The following RGS22 variants were observed in gnomAD, a reference collection of about 807,000 sequenced individuals.
RGS22 encodes regulator of G protein signaling 22.
In RGS22, 148 loss-of-function variants were observed where a neutral mutation model predicts 172.9. The ratio of observed to expected loss-of-function variants is 0.86; its 90% CI spans 0.75 to 0.98. The LOEUF is 0.98. Among genes scored for constraint, RGS22 ranks in the 50% least tolerant of loss-of-function variants. RGS22 has a pLI of 0.00. For synonymous variants in RGS22, 458 were observed against 480.2 expected, an observed-to-expected ratio of 0.95 and a Z score of 0.60; for missense variants, 1,347 against 1,440.8, an observed-to-expected ratio of 0.93 and a Z score of 1.05.
chr8:100,055,491 T>C lies in RGS22; in HGVS notation c.1515-2515A>G, dbSNP rs1822148735. On this transcript the variant is annotated intron_variant, in intron 9 of 27. Coordinates refer to ENST00000360863, the MANE Select transcript of RGS22 (RefSeq NM_015668.5). Reference sequence around the variant, plus strand: ...CACAATACCCAAGTCCTTTCAAATATCTGGAAAGCCTTCCCAAGAAGGATG... The same window carrying C: ...CACAATACCCAAGTCCTTTCAAATACCTGGAAAGCCTTCCCAAGAAGGATG... 2.0e-5 allele frequency among the ~76,000 whole-genome samples: 3 copies of C among 152,242 alleles called. No individual in the cohort carries two copies. In the South Asian group the frequency reaches 6.2e-4, roughly 32 times the overall value.
At chr8:99,989,881 T>C (rs139950610) in intron 20 of RGS22, among the ~76,000 whole-genome samples, 1 of 147,564 alleles carries the variant, frequency 6.8e-6, no homozygotes, top group Non-Finnish European at 1.5e-5. Flanking sequence ...GATAGATAGA[T>C]AGATAGATAG....
At chr8:100,028,062 C>G (rs1313388129) in intron 14 of RGS22, among the ~76,000 whole-genome samples, 4 of 152,014 alleles carry the variant, frequency 2.6e-5, no homozygotes, top group Admixed American at 2.6e-4. Flanking sequence ...CCTTCATAGA[C>G]CTTGGTAGAT....
At chr8:100,051,231 G>C (rs1821244505) in intron 10 of RGS22, among the ~76,000 whole-genome samples, 1 of 151,078 alleles carries the variant, frequency 6.6e-6, no homozygotes, top group African/African-American at 2.4e-5. Context: ...AGAGCAAGGA[G>C]ACCAATGTGG....
At chr8:100,022,109 C>G (rs142787680) in intron 14 of RGS22, among the ~76,000 whole-genome samples, 3 of 152,136 alleles carry the variant, frequency 2.0e-5, no homozygotes, top group Non-Finnish European at 4.4e-5. Context: ...ACAGATGGAG[C>G]TTTTCACAGA....
intron 14 of RGS22, among the ~76,000 whole-genome samples, chr8:100,016,351 G>A (rs899797810): frequency 1.9e-4 from 26 of 136,480 alleles, no homozygotes; most frequent in African/African-American, 7.0e-4. Context: ...CCTAAATGTA[G>A]GTATTAATTT....
chr8:100,083,878 G>C (rs1197502817), intron 3 of RGS22, among the ~76,000 whole-genome samples: 1 of 128,902 alleles, frequency 7.8e-6, no homozygotes, highest in Non-Finnish European at 1.6e-5. Flanking sequence ...ACAGAGTCTT[G>C]CTCTGTCGCC....
intron 19 of RGS22, among the ~76,000 whole-genome samples, chr8:99,998,307 A>G (rs1814609027): frequency 6.6e-6 from 1 of 152,204 alleles, no homozygotes; most frequent in Admixed American, 6.6e-5. Context: ...TTTCAGAACA[A>G]CCTTACTAAG....
chr8:99,972,983 C>CA (rs34427659), intron 23 of RGS22, among the ~76,000 whole-genome samples: 18,697 of 69,462 alleles, frequency 0.27, 2,426 homozygotes, highest in African/African-American at 0.46. Context: ...GACTCCATCT[C>CA]AAAAAAAAAA....
At position 100,004,884 on chromosome 8, in the gene RGS22, G is replaced by A. The variant is rs540972332; in HGVS notation, c.2455-786C>T. On this transcript the variant is annotated intron_variant, in intron 16 of 27. Coordinates refer to ENST00000360863, the MANE Select transcript of RGS22 (RefSeq NM_015668.5). ...TTTAGGTAATTTTATGACCTCTGATGTTTTGTGAACAGTTTACAAGCACGA... is the reference window on the plus strand; with the variant it reads ...TTTAGGTAATTTTATGACCTCTGATATTTTGTGAACAGTTTACAAGCACGA... 2.0e-5 allele frequency among the ~76,000 whole-genome samples: 3 copies of A among 151,804 alleles called. No individual in the cohort carries two copies. The East Asian group carries it at 5.8e-4, about 29-fold the overall frequency.
intron 19 of RGS22, among the ~76,000 whole-genome samples, chr8:99,997,200 G>C (rs904561549): frequency 1.2e-4 from 19 of 152,276 alleles, no homozygotes; most frequent in African/African-American, 4.6e-4. Context: ...CAGCACTTTA[G>C]AATCAATCCT....
In RGS22 at chr8:100,002,347, C is replaced by G; in HGVS notation, c.2645G>C (p.Trp882Ser). ...THSSSMDLMCWTDIEQFRRIT... is the reference protein window; with the variant it reads ...THSSSMDLMCSTDIEQFRRIT... Reference sequence around the variant, plus strand: ...TCTCCGGAACTGCTCAATGTCTGTCCAGCACATAAGATCCATGCTAAAATG... The same window carrying G: ...TCTCCGGAACTGCTCAATGTCTGTCGAGCACATAAGATCCATGCTAAAATG... The change falls in exon 18 of 28, where the codon TGG (tryptophan) becomes TCG (serine). Residue 882 changes from tryptophan to serine, a missense_variant. Physicochemically the swap from Trp to Ser is radical, Grantham distance 177. Coordinates refer to ENST00000360863, the MANE Select transcript of RGS22 (RefSeq NM_015668.5). The G allele has an allele frequency of 6.2e-7, 1 of 1,606,600 alleles. No homozygotes were observed. The highest frequency in any genetic ancestry group is 8.5e-7 in the Non-Finnish European group (1 of 1,177,996).
chr8:100,035,198 A>C (rs1819306460), intron 14 of RGS22, among the ~76,000 whole-genome samples: 1 of 152,244 alleles, frequency 6.6e-6, no homozygotes, highest in South Asian at 2.1e-4. Context: ...AAAATTTTGC[A>C]ATCTACCCAT....
At chr8:99,999,670 A>G (rs775783362) in intron 18 of RGS22, among the ~76,000 whole-genome samples, 1 of 152,236 alleles carries the variant, frequency 6.6e-6, no homozygotes, top group Non-Finnish European at 1.5e-5. Flanking sequence ...AAAAGAACAC[A>G]GAAGTGGGAT....
chr8:100,028,166 T>C (rs1818382717), intron 14 of RGS22, among the ~76,000 whole-genome samples: 1 of 152,146 alleles, frequency 6.6e-6, no homozygotes, highest in African/African-American at 2.4e-5. Flanking sequence ...GGTTTATCCA[T>C]GACAGTCCCA....
At chr8:100,099,976 G>T (rs1156278688) in intron 2 of RGS22, among the ~76,000 whole-genome samples, 1 of 152,062 alleles carries the variant, frequency 6.6e-6, no homozygotes, top group Non-Finnish European at 1.5e-5. Context: ...AACATATTTT[G>T]TTTGAAAAAA....
At chr8:100,038,263 C>CT in intron 14 of RGS22, among the ~76,000 whole-genome samples, 1 of 152,084 alleles carries the variant, frequency 6.6e-6, no homozygotes, top group Non-Finnish European at 1.5e-5. Context: ...ATTCTGCTCC[C>CT]TTTTCTTCTT....
chr8:100,052,519 T>A (rs1821775016), intron 10 of RGS22, among the ~76,000 whole-genome samples: 1 of 151,842 alleles, frequency 6.6e-6, no homozygotes, highest in South Asian at 2.1e-4. Context: ...GCCAGGATGG[T>A]CTTGATCTCC....
intron 11 of RGS22, among the ~76,000 whole-genome samples, chr8:100,045,255 C>CA (rs1226458685): frequency 4.8e-4 from 71 of 147,500 alleles, no homozygotes; most frequent in African/African-American, 1.5e-3. Flanking sequence ...GTGAGACACT[C>CA]AAAAAAAACA....
chr8:99,963,436 TTATA>T (rs1367773436), intron 24 of RGS22, among the ~76,000 whole-genome samples: 11 of 152,130 alleles, frequency 7.2e-5, no homozygotes, highest in Admixed American at 7.2e-4. Context: ...GGAAAGATCT[TTATA>T]TATTCAATTT....
Sources: gnomAD v4.1 joint callset for allele counts (sites outside exome capture counted in the v4.1 genomes callset) on GRCh38, gnomAD v4.1.1 for gene constraint, MANE v1.5 for transcripts, NCBI Gene and HGNC (gene_info 2026-07-23, HGNC 2026-07-21) for gene names.